Variants in KIAA0319L observed in about 807,000 individuals in gnomAD.
KIAA0319L encodes the protein dyslexia-associated protein KIAA0319-like protein.
Under a neutral mutation model 120.1 loss-of-function variants are expected in KIAA0319L, and 55 were observed. The observed-to-expected ratio is 0.46, with a 90% confidence interval of 0.37 to 0.57. KIAA0319L has a LOEUF of 0.57. Among genes scored for constraint, KIAA0319L ranks in the 20% least tolerant of loss-of-function variants. KIAA0319L has a pLI of 0.00. For missense variants in KIAA0319L, 1,049 were observed against 1,255.3 expected (o/e 0.84, Z 2.48); for synonymous variants, 398 against 471.9 (o/e 0.84, Z 2.03).
intron 15 of KIAA0319L, among the ~76,000 whole-genome samples, chr1:35,449,321 A>C (rs571148496): frequency 6.6e-6 from 1 of 152,352 alleles, no homozygotes; most frequent in East Asian, 1.9e-4. Flanking sequence ...TCTCAAAGCA[A>C]AATAAAAACA....
intron 10 of KIAA0319L, 152 bp downstream of exon 10, chr1:35,455,861 G>A: frequency 1.5e-6 from 1 of 662,286 alleles, no homozygotes; most frequent in Non-Finnish European, 2.6e-6. Context: ...TTACAGGCGT[G>A]AGCCACCATA....
intron 2 of KIAA0319L, among the ~76,000 whole-genome samples, chr1:35,517,004 G>A (rs1645708058): frequency 6.6e-6 from 1 of 152,026 alleles, no homozygotes; most frequent in African/African-American, 2.4e-5. Context: ...ATTCCAGAGA[G>A]AAGTGAAAGA....
chr1:35,537,603 T>C (rs540881953), intron 2 of KIAA0319L, among the ~76,000 whole-genome samples: 2 of 143,142 alleles, frequency 1.4e-5, no homozygotes, highest in Non-Finnish European at 3.0e-5. Context: ...TGGAGCATTA[T>C]GTAAGCGCCA....
At chr1:35,507,198 G>A in intron 2 of KIAA0319L, 63 bp from the exon 3 acceptor site, 1 of 1,456,180 alleles carries the variant, frequency 6.9e-7, no homozygotes, top group South Asian at 1.5e-5. Context: ...GCTCCATAAA[G>A]AGCCCTGAGA....
At chr1:35,538,794 A>T (rs932918655) in intron 2 of KIAA0319L, among the ~76,000 whole-genome samples, 8 of 151,610 alleles carry the variant, frequency 5.3e-5, no homozygotes, top group Non-Finnish European at 1.2e-4. Flanking sequence ...AATAGACTTC[A>T]TTTTTCTGAC....
chr1:35,511,792 G>T (rs1401787347), intron 2 of KIAA0319L, among the ~76,000 whole-genome samples: 1 of 152,158 alleles, frequency 6.6e-6, no homozygotes, highest in Admixed American at 6.5e-5. Context: ...TATGGAAATA[G>T]TTGCTGCAGA....
Position 35,554,555 on chromosome 1 carries a change from G to A in KIAA0319L, c.-28-36C>T, listed in dbSNP as rs542968189. On this transcript the variant is annotated intron_variant, in intron 1 of 20. Transcript: ENST00000325722. ...AGAAAGAGAAGAAATTACATGCCGA[G>A]TAATTAATAATTAATTCCTGGAAAT... is the stretch of plus-strand genomic sequence containing the variant. The A allele has an allele frequency of 1.3e-4, 164 of 1,282,416 alleles. 1 individual carries two copies. In the South Asian group the frequency reaches 2.3e-3, roughly 18 times the overall value. The allele number at this position is 1,282,416 out of a possible 1,614,324, so 79.4% of individuals were successfully genotyped here.
chr1:35,469,819 C>T (rs1228709780), intron 6 of KIAA0319L, among the ~76,000 whole-genome samples: 1 of 151,872 alleles, frequency 6.6e-6, no homozygotes, highest in Admixed American at 6.6e-5. Context: ...GACCAGTGTA[C>T]AATGAATAGA....
chr1:35,515,131 G>A (rs573128931), intron 2 of KIAA0319L, among the ~76,000 whole-genome samples: 6 of 152,086 alleles, frequency 3.9e-5, no homozygotes, highest in South Asian at 2.1e-4. Context: ...TGGCCAACAC[G>A]GTGAAACCCC....
At chr1:35,540,152 G>C (rs114786223) in intron 2 of KIAA0319L, among the ~76,000 whole-genome samples, 164 of 152,330 alleles carry the variant, frequency 1.1e-3, no homozygotes, top group African/African-American at 3.8e-3. Context: ...CTTTAGGGCA[G>C]AGTCTGCAGT....
At chr1:35,441,994 T>A (rs1641259648) in intron 19 of KIAA0319L, among the ~76,000 whole-genome samples, 1 of 152,144 alleles carries the variant, frequency 6.6e-6, no homozygotes, top group African/African-American at 2.4e-5. Context: ...CTTGCCCTGC[T>A]CCCGCCCAGC....
intron 2 of KIAA0319L, among the ~76,000 whole-genome samples, chr1:35,515,358 G>T (rs1007449008): frequency 6.7e-6 from 1 of 148,610 alleles, no homozygotes; most frequent in African/African-American, 2.5e-5. Flanking sequence ...CACACTCTTA[G>T]ACCACAACAC....
intron 1 of KIAA0319L, chr1:35,556,857 T>G (rs918417319): frequency 1.3e-5 from 2 of 152,200 alleles, no homozygotes; most frequent in African/African-American, 4.8e-5. Flanking sequence ...GCACCAACTT[T>G]CTATCTCGGT....
intron 2 of KIAA0319L, among the ~76,000 whole-genome samples, chr1:35,552,404 A>C (rs1311971844): frequency 6.6e-6 from 1 of 152,104 alleles, no homozygotes; most frequent in Non-Finnish European, 1.5e-5. Context: ...AGAGTACCAG[A>C]AGAGAAAGAG....
chr1:35,468,545 C>T (rs1445512061), intron 6 of KIAA0319L, among the ~76,000 whole-genome samples: 1 of 152,164 alleles, frequency 6.6e-6, no homozygotes, highest in Non-Finnish European at 1.5e-5. Context: ...CTCACTCTGT[C>T]CAAAAATGAA....
At chr1:35,460,663 C>G (rs1468797222) in intron 8 of KIAA0319L, among the ~76,000 whole-genome samples, 1 of 152,056 alleles carries the variant, frequency 6.6e-6, no homozygotes, top group African/African-American at 2.4e-5. Flanking sequence ...CAGGCAACCT[C>G]TGGTTAAAAT....
chr1:35,469,037 T>C (rs1643452383), intron 6 of KIAA0319L, among the ~76,000 whole-genome samples: 1 of 152,186 alleles, frequency 6.6e-6, no homozygotes, highest in African/African-American at 2.4e-5. Flanking sequence ...GGTTTTTATT[T>C]TTATTTTTTG....
At chr1:35,499,214 G>A (rs991664218) in intron 3 of KIAA0319L, among the ~76,000 whole-genome samples, 6 of 152,148 alleles carry the variant, frequency 3.9e-5, no homozygotes, top group South Asian at 2.1e-4. Context: ...CTCTTGCTTC[G>A]TAGGTGCTAC....
At chr1:35,555,259 T>C (rs1463888193) in intron 1 of KIAA0319L, among the ~76,000 whole-genome samples, 3 of 152,192 alleles carry the variant, frequency 2.0e-5, no homozygotes, top group African/African-American at 7.2e-5. Flanking sequence ...TTGGCAACAT[T>C]ATGAGGGTTG....
Sources: gnomAD v4.1 joint callset for allele counts (sites outside exome capture counted in the v4.1 genomes callset) on GRCh38, gnomAD v4.1.1 for gene constraint, MANE v1.5 for transcripts, NCBI Gene and HGNC (gene_info 2026-07-23, HGNC 2026-07-21) for gene names.